Variants in DNAJC22 observed in about 807,000 individuals in gnomAD.
The protein encoded by DNAJC22 is dnaJ homolog subfamily C member 22.
In DNAJC22, 24 loss-of-function variants were observed where a neutral mutation model predicts 22.2. The ratio of observed to expected loss-of-function variants is 1.08; its 90% CI spans 0.78 to 1.52. DNAJC22 has a LOEUF of 1.52. Ranked by LOEUF, DNAJC22 falls within the 40% of genes most tolerant of loss-of-function variation. The probability of loss-of-function intolerance (pLI) is 0.00; values close to 1 mark genes in which losing one functional copy is unlikely to be tolerated. For synonymous variants in DNAJC22, 160 were observed against 167.4 expected (o/e 0.96, Z 0.34); for missense variants, 434 against 421.7 (o/e 1.03, Z -0.26).
Position 49,349,224 on chromosome 12 carries a change from G to T in DNAJC22, c.352G>T (p.Val118Phe), listed in dbSNP as rs144395382. ...CCTCCCACTGGCAGTTGGCTTAGGG[G>T]TCTTGCTGGTGGCTGCTGTTGGCAA... ...VALPLAVGLG[V>F]LLVAAVGNQT... The change falls in exon 3 of 4, where the codon GTC becomes TTC. Residue 118 changes from valine (V) to phenylalanine (F), a missense_variant. By Grantham distance (50) the Val-to-Phe change is conservative (BLOSUM62 -1). Coordinates refer to ENST00000549441, the MANE Select transcript of DNAJC22 (RefSeq NM_001304944.2). 1.2e-6 allele frequency: 2 copies of T among 1,614,040 alleles called. No homozygotes were observed. The highest frequency in any genetic ancestry group is 1.3e-5 in the African/African-American group (1 of 74,918).
intron 2 of DNAJC22, among the ~76,000 whole-genome samples, 168 bp from the exon 3 acceptor site, chr12:49,348,598 G>A (rs1943729800): frequency 6.6e-6 from 1 of 152,196 alleles, no homozygotes; most frequent in Admixed American, 6.5e-5. Flanking sequence ...TAAATCTGGA[G>A]TCACTGTGGT....
Position 49,349,185 on chromosome 12 carries a change from T to C in DNAJC22, c.313T>C (p.Phe105Leu). ...GATTAGCCTTTCTTCCATGGTCAAC[T>C]TCTATATTGTGGCCCTCCCACTGGC... The part of the protein sequence containing the change: ...ALISLSSMVN[F>L]YIVALPLAVG... The change falls in exon 3 of 4, where the codon TTC becomes CTC. Residue 105 changes from phenylalanine (F) to leucine (L), a missense_variant. By Grantham distance (22) the Phe-to-Leu change is conservative (BLOSUM62 0). Coordinates refer to ENST00000549441, the MANE Select transcript of DNAJC22 (RefSeq NM_001304944.2). 6.2e-7 allele frequency: 1 copy of C among 1,614,202 alleles called. No homozygotes were observed. Among genetic ancestry groups the C allele is most frequent in the Non-Finnish European group, 8.5e-7 (1 of 1,180,032 alleles).
In DNAJC22 at chr12:49,347,652, A is replaced by T. The variant is rs1943715813; in HGVS notation, c.-561A>T. On this transcript the variant is annotated 5_prime_UTR_variant, in exon 2 of 4. Transcript: ENST00000549441. ...TTTATCCTTTTTTTTAGCACTACAG[A>T]TAGGAGCGTCCCTTGCTCCTGCCAG... 1 of 152,170 alleles carries T rather than the reference A, an allele frequency of 6.6e-6. No homozygotes were observed. Among genetic ancestry groups the T allele is most frequent in the Non-Finnish European group, 1.5e-5 (1 of 68,032 alleles). 9.4% of individuals were successfully genotyped at this position (152,170 alleles called of 1,614,324 possible).
Position 49,351,537 on chromosome 12 carries a change from G to A in DNAJC22, c.*35G>A. 6.7e-7 allele frequency: 1 copy of A among 1,493,702 alleles called. No individual in the cohort carries two copies. Among genetic ancestry groups the A allele is most frequent in the East Asian group, 2.5e-5 (1 of 39,994 alleles). The allele number at this position is 1,493,702 out of a possible 1,614,324, so 92.5% of individuals were successfully genotyped here. ...TCCCCCTGAGGACTGACTCTTCCTA[G>A]CAGAGCTGGGCAACTTGTCCCAAAT... On this transcript the variant is annotated 3_prime_UTR_variant, in exon 4 of 4. Transcript: ENST00000549441.
In DNAJC22 at chr12:49,351,410, C is replaced by G; in HGVS notation, c.934C>G (p.Gln312Glu). ...CTGGCACCCAGACCACAACCTGGACCAGACAGAGGAGGCACAGAGGCACTT... is the reference window on the plus strand; with the variant it reads ...CTGGCACCCAGACCACAACCTGGACGAGACAGAGGAGGCACAGAGGCACTT... ...KVWHPDHNLD[Q>E]TEEAQRHFLE... Residue 312 changes from glutamine (Q) to glutamate (E), a missense_variant, in exon 4 of 4, where the codon CAG (glutamine) becomes GAG (glutamate). Gln to Glu is a conservative substitution (Grantham distance 29). Transcript: ENST00000549441. 6.2e-7 allele frequency: 1 copy of G among 1,611,654 alleles called. No individual in the cohort carries two copies. Among genetic ancestry groups the G allele is most frequent in the Non-Finnish European group, 8.5e-7 (1 of 1,178,994 alleles).
Position 49,349,169 on chromosome 12 carries a change from T to G in DNAJC22, c.297T>G (p.Leu99=). Residue 99 remains leucine, a synonymous_variant, in exon 3 of 4, where the codon CTT becomes CTG. Transcript: ENST00000549441. ...TTGGCCTTGTGGCACTGATTAGCCT[T>G]TCTTCCATGGTCAACTTCTATATTG... ...IYFGLVALIS[L]SSMVNFYIVA... The G allele has an allele frequency of 1.2e-6, 2 of 1,614,178 alleles. No homozygotes were observed. Among genetic ancestry groups the G allele is most frequent in the Non-Finnish European group, 1.7e-6 (2 of 1,180,016 alleles).
Position 49,349,454 on chromosome 12 carries a change from C to T in DNAJC22, c.582C>T (p.Gly194=), listed in dbSNP as rs902562574. 6.2e-7 allele frequency: 1 copy of T among 1,614,114 alleles called. No individual in the cohort carries two copies. Among genetic ancestry groups the T allele is most frequent in the Non-Finnish European group, 8.5e-7 (1 of 1,180,012 alleles). Residue 194 remains glycine (G), a synonymous_variant, in exon 3 of 4, where the codon GGC becomes GGT. Transcript: ENST00000549441. ...GCTTGGCTTACCTTGCTTTCACAGG[C>T]CCACTGGCATACAGTGCCCTCTGCA... ...RLGLAYLAFT[G]PLAYSALCNT...
chr12:49,350,006 T>A, intron 3 of DNAJC22: 1 of 424,890 alleles, frequency 2.4e-6, no homozygotes, highest in Non-Finnish European at 3.2e-6. Flanking sequence ...CTTCTCAGCC[T>A]ATACTCCCAC....
chr12:49,351,624 G>A lies in DNAJC22; in HGVS notation c.*122G>A, dbSNP rs538880643. On this transcript the variant is annotated 3_prime_UTR_variant, in exon 4 of 4. Transcript: ENST00000549441. ...AAGAAACTGCTTGCAGGGGCTGGGCGTGGTGGCTCATGCCTGTAATCCCAG... is the reference window on the plus strand; with the variant it reads ...AAGAAACTGCTTGCAGGGGCTGGGCATGGTGGCTCATGCCTGTAATCCCAG... 248 of 1,120,778 alleles carry A rather than the reference G, an allele frequency of 2.2e-4. No homozygotes were observed. In the African/African-American group the frequency reaches 3.4e-3, roughly 15 times the overall value. The allele number at this position is 1,120,778 out of a possible 1,614,324, so 69.4% of individuals were successfully genotyped here.
chr12:49,348,778 A>G lies in DNAJC22; in HGVS notation c.-95A>G. On this transcript the variant is annotated 5_prime_UTR_variant, in exon 3 of 4. Transcript: ENST00000549441. ...TCCCATCTCTTAGGGTCTAAGGATA[A>G]CTCTGGGGCCATGACAGCCATGAGT... 7.1e-7 allele frequency: 1 copy of G among 1,416,296 alleles called. No homozygotes were observed. Among genetic ancestry groups the G allele is most frequent in the Non-Finnish European group, 9.2e-7 (1 of 1,082,708 alleles). The allele number at this position is 1,416,296 out of a possible 1,614,324, so 87.7% of individuals were successfully genotyped here.
At position 49,351,357 on chromosome 12, in the gene DNAJC22, A is replaced by G; in HGVS notation, c.881A>G (p.His294Arg). ...GAAGGGGCAACAAATGAAGAAATAC[A>G]TCGGAGTTACCAGGAGCTAGTGAAG... Reference protein sequence around the residue: ...LSEGATNEEIHRSYQELVKVW... With the variant: ...LSEGATNEEIRRSYQELVKVW... The change falls in exon 4 of 4, where the codon CAT (histidine) becomes CGT (arginine). Residue 294 changes from histidine (H) to arginine (R), a missense_variant. Coordinates refer to ENST00000549441, the MANE Select transcript of DNAJC22 (RefSeq NM_001304944.2). 1 of 1,613,806 alleles carries G rather than the reference A, an allele frequency of 6.2e-7. No homozygotes were observed. Among genetic ancestry groups the G allele is most frequent in the Non-Finnish European group, 8.5e-7 (1 of 1,179,814 alleles).
Position 49,348,789 on chromosome 12 carries a change from A to G in DNAJC22, c.-84A>G. The G allele has an allele frequency of 7.0e-7, 1 of 1,426,750 alleles. No homozygotes were observed. 88.4% of individuals were successfully genotyped at this position (1,426,750 alleles called of 1,614,324 possible). On this transcript the variant is annotated 5_prime_UTR_variant, in exon 3 of 4. It removes an upstream start codon present in the reference 5' UTR. Coordinates refer to ENST00000549441, the MANE Select transcript of DNAJC22 (RefSeq NM_001304944.2). ...AGGGTCTAAGGATAACTCTGGGGCCATGACAGCCATGAGTCTCACAGAGGA... is the reference window on the plus strand; with the variant it reads ...AGGGTCTAAGGATAACTCTGGGGCCGTGACAGCCATGAGTCTCACAGAGGA...
rs775282383 is a variant in DNAJC22, at chr12:49,351,414, C to T, written c.938C>T (p.Thr313Ile). 1 of 1,611,408 alleles carries T rather than the reference C, an allele frequency of 6.2e-7. No homozygotes were observed. The highest frequency in any genetic ancestry group is 8.5e-7 in the Non-Finnish European group (1 of 1,178,906). ...CACCCAGACCACAACCTGGACCAGA[C>T]AGAGGAGGCACAGAGGCACTTCCTG... ...VWHPDHNLDQ[T>I]EEAQRHFLEI... The change falls in exon 4 of 4, where the codon ACA becomes ATA. Residue 313 changes from threonine to isoleucine, a missense_variant. Transcript: ENST00000549441.
chr12:49,351,696 G>A lies in DNAJC22; in HGVS notation c.*194G>A. The A allele has an allele frequency of 2.3e-6, 1 of 438,758 alleles. No individual in the cohort carries two copies. The allele number at this position is 438,758 out of a possible 1,614,324, so 27.2% of individuals were successfully genotyped here. A position where few individuals can be genotyped will look rare whatever the true frequency, so the allele number is the denominator to read the frequency against. On this transcript the variant is annotated 3_prime_UTR_variant, in exon 4 of 4. Coordinates refer to ENST00000549441, the MANE Select transcript of DNAJC22 (RefSeq NM_001304944.2). ...GCAGATCACGAGGTCAGGAGTTCGA[G>A]ACCAGCAGCCTGGCCAATATAGTGA...
Position 49,348,829 on chromosome 12 carries a change from T to C in DNAJC22, c.-44T>C. The C allele has an allele frequency of 6.9e-7, 1 of 1,447,886 alleles. No individual in the cohort carries two copies. The highest frequency in any genetic ancestry group is 2.5e-5 in the East Asian group (1 of 40,646). 89.7% of individuals were successfully genotyped at this position (1,447,886 alleles called of 1,614,324 possible). On this transcript the variant is annotated 5_prime_UTR_variant, in exon 3 of 4. Coordinates refer to ENST00000549441, the MANE Select transcript of DNAJC22 (RefSeq NM_001304944.2). Reference sequence around the variant, plus strand: ...CTCACAGAGGACCCCGAGACTTCTGTGCTGCGAGTAACCGGACTTGTTCTG... The same window carrying C: ...CTCACAGAGGACCCCGAGACTTCTGCGCTGCGAGTAACCGGACTTGTTCTG...
In DNAJC22 at chr12:49,348,982, C is replaced by T. The variant is rs1375861449; in HGVS notation, c.110C>T (p.Thr37Ile). 3 of 1,556,864 alleles carry T rather than the reference C, an allele frequency of 1.9e-6. No homozygotes were observed. The highest frequency in any genetic ancestry group is 2.6e-6 in the Non-Finnish European group (3 of 1,154,182). The change falls in exon 3 of 4, where the codon ACC (threonine) becomes ATC (isoleucine). Residue 37 changes from threonine to isoleucine, a missense_variant. Thr to Ile is a moderately conservative substitution (Grantham distance 89, BLOSUM62 -1). Transcript: ENST00000549441. ...RDSHALLWML[T>I]LGGGGLGWLW... ...AGCCACGCCCTGCTCTGGATGCTGACCCTGGGGGGAGGTGGGCTGGGCTGG... is the reference window on the plus strand; with the variant it reads ...AGCCACGCCCTGCTCTGGATGCTGATCCTGGGGGGAGGTGGGCTGGGCTGG...
intron 3 of DNAJC22, 198 bp from the exon 4 acceptor site, chr12:49,351,119 T>G (rs1243600044): frequency 1.0e-6 from 1 of 974,348 alleles, no homozygotes. Context: ...GCTGGAATTC[T>G]TTTTTCTAAA....
rs905516541 is a variant in DNAJC22 at position 49,347,533 on chromosome 12, G to C, written c.-588G>C. On this transcript the variant is annotated 5_prime_UTR_variant, in exon 1 of 4. Coordinates refer to ENST00000549441, the MANE Select transcript of DNAJC22 (RefSeq NM_001304944.2). ...CTTGAAGGTCAACGGAGCGTGAAGA[G>C]AGGAGCGTGCAGCTTGAGGTGAGGG... The C allele has an allele frequency of 2.6e-5, 4 of 152,440 alleles. No homozygotes were observed. The highest frequency in any genetic ancestry group is 9.6e-5 in the African/African-American group (4 of 41,476). 9.4% of individuals were successfully genotyped at this position (152,440 alleles called of 1,614,324 possible).
In DNAJC22 at chr12:49,348,856, G is replaced by C. The variant is rs1837161995; in HGVS notation, c.-17G>C. On this transcript the variant is annotated 5_prime_UTR_variant, in exon 3 of 4. Transcript: ENST00000549441. ...CTGCGAGTAACCGGACTTGTTCTGA[G>C]ACCTTTGCCCTAGAGGATGGCCAAG... The C allele has an allele frequency of 6.8e-7, 1 of 1,477,674 alleles. No individual in the cohort carries two copies. The highest frequency in any genetic ancestry group is 1.4e-5 in the African/African-American group (1 of 70,890). The allele number at this position is 1,477,674 out of a possible 1,614,324, so 91.5% of individuals were successfully genotyped here.
Sources: allele counts gnomAD v4.1 joint callset (sites outside exome capture counted in the v4.1 genomes callset), GRCh38; gene constraint gnomAD v4.1.1; transcripts MANE v1.5; gene names NCBI Gene and HGNC (gene_info 2026-07-23, HGNC 2026-07-21).